The following AREL1 variants were observed in gnomAD, a reference collection of about 807,000 sequenced individuals.
AREL1 encodes apoptosis resistant E3 ubiquitin protein ligase 1, also known as apoptosis-resistant E3 ubiquitin protein ligase 1.
A neutral mutation model predicts 99.0 loss-of-function variants in AREL1; 62 were observed. The ratio of observed to expected loss-of-function variants is 0.63; its 90% CI spans 0.51 to 0.77. AREL1 has a LOEUF of 0.77. Among genes scored for constraint, AREL1 ranks in the 30% least tolerant of loss-of-function variants. AREL1 has a pLI of 0.00. For missense variants in AREL1, 879 were observed against 1,027.6 expected (o/e 0.86, Z 1.98); for synonymous variants, 380 against 376.5 (o/e 1.01, Z -0.11).
At chr14:74,675,158 T>C (rs912877814) in intron 8 of AREL1, among the ~76,000 whole-genome samples, 1 of 152,200 alleles carries the variant, frequency 6.6e-6, no homozygotes, top group African/African-American at 2.4e-5. Flanking sequence ...CACTTACCCA[T>C]TTCCCTCATT....
chr14:74,673,173 C>T lies in AREL1; in HGVS notation c.1204G>A (p.Val402Met). The part of the protein sequence containing the change: ...PDPVHKLLTL[V>M]VDDGIQPPVE... Reference sequence around the variant, plus strand: ...GGAGGTTGAATGCCATCATCCACCACCAGTGTGAGCAGCTTATGGACAGGG... The same window carrying T: ...GGAGGTTGAATGCCATCATCCACCATCAGTGTGAGCAGCTTATGGACAGGG... The change falls in exon 10 of 20, where the codon GTG becomes ATG. Residue 402 changes from valine (V) to methionine (M), a missense_variant. Coordinates refer to ENST00000356357, the MANE Select transcript of AREL1 (RefSeq NM_001039479.2). 6.2e-7 allele frequency: 1 copy of T among 1,614,144 alleles called. No homozygotes were observed. Among genetic ancestry groups the T allele is most frequent in the Non-Finnish European group, 8.5e-7 (1 of 1,180,028 alleles).
intron 1 of AREL1, among the ~76,000 whole-genome samples, chr14:74,706,039 C>T (rs187260197): frequency 2.8e-4 from 42 of 152,278 alleles, no homozygotes; most frequent in Admixed American, 8.5e-4. Context: ...CCATTCTTAA[C>T]CCTAAATCTA....
chr14:74,677,340 A>G (rs967384927), intron 5 of AREL1, among the ~76,000 whole-genome samples: 3 of 151,770 alleles, frequency 2.0e-5, no homozygotes, highest in African/African-American at 7.3e-5. Context: ...CTCTACAAAA[A>G]ATAAAAATTA....
chr14:74,703,969 C>T (rs531080360), intron 1 of AREL1, among the ~76,000 whole-genome samples: 6 of 152,310 alleles, frequency 3.9e-5, no homozygotes, highest in Admixed American at 2.6e-4. Context: ...GCACAAGAGG[C>T]AGGTTGCTCT....
chr14:74,667,060 C>T (rs1481636001), intron 17 of AREL1, among the ~76,000 whole-genome samples: 1 of 152,130 alleles, frequency 6.6e-6, no homozygotes, highest in Non-Finnish European at 1.5e-5. Flanking sequence ...AATTATTACT[C>T]TTCATAAATA....
At chr14:74,671,561 C>T in intron 11 of AREL1, 78 bp from the exon 12 acceptor site, 1 of 901,724 alleles carries the variant, frequency 1.1e-6, no homozygotes, top group Non-Finnish European at 1.7e-6. Context: ...CACAAGAGCA[C>T]TGCCATTGTC....
In AREL1 at chr14:74,673,289, C is replaced by A. The variant is rs895908912; in HGVS notation, c.1159-71G>T. On this transcript the variant is annotated intron_variant, in intron 9 of 19. Transcript: ENST00000356357. ...CAGTAAAAGTCCTCCACAGCTCTAT[C>A]CTGTGTACCAACCAACAACAATAAG... The A allele has an allele frequency of 4.7e-6, 7 of 1,492,940 alleles. No homozygotes were observed. The African/African-American group carries it at 7.0e-5, about 15-fold the overall frequency. The allele number at this position is 1,492,940 out of a possible 1,614,324, so 92.5% of individuals were successfully genotyped here.
At chr14:74,665,965 C>G (rs1031692381) in intron 17 of AREL1, among the ~76,000 whole-genome samples, 1 of 152,142 alleles carries the variant, frequency 6.6e-6, no homozygotes, top group Non-Finnish European at 1.5e-5. Context: ...GTTACAAATG[C>G]TTTGCTTCAA....
chr14:74,669,109 G>A (rs2089273053), intron 15 of AREL1, among the ~76,000 whole-genome samples: 1 of 152,114 alleles, frequency 6.6e-6, no homozygotes, highest in Non-Finnish European at 1.5e-5. Flanking sequence ...TGCCCAGGCT[G>A]GTCTTGAACT....
intron 5 of AREL1, 55 bp downstream of exon 5, chr14:74,683,241 G>T: frequency 8.0e-7 from 1 of 1,255,608 alleles, no homozygotes; most frequent in East Asian, 2.3e-5. Flanking sequence ...AAGACAGGAT[G>T]GAAAGAGAGA....
intron 9 of AREL1, 135 bp downstream of exon 9, chr14:74,673,895 GCTTT>G (rs2089413781): frequency 1.6e-6 from 1 of 621,626 alleles, no homozygotes; most frequent in South Asian, 2.3e-5. Context: ...AGATAATGAT[GCTTT>G]ATTTGGCAAC....
At chr14:74,668,974 C>A (rs769794302) in intron 15 of AREL1, among the ~76,000 whole-genome samples, 1 of 152,172 alleles carries the variant, frequency 6.6e-6, no homozygotes, top group African/African-American at 2.4e-5. Context: ...ACCTCCTGGG[C>A]TCAAGCGATG....
chr14:74,706,659 C>T (rs1440205775), intron 1 of AREL1, among the ~76,000 whole-genome samples: 6 of 152,130 alleles, frequency 3.9e-5, no homozygotes, highest in Non-Finnish European at 7.3e-5. Context: ...TATTAAGAAG[C>T]GACCACATGC....
chr14:74,709,133 A>G (rs529572995), intron 1 of AREL1, among the ~76,000 whole-genome samples: 1 of 152,362 alleles, frequency 6.6e-6, no homozygotes, highest in African/African-American at 2.4e-5. Flanking sequence ...GTTAATAGCT[A>G]AAGTCATTTA....
intron 15 of AREL1, 142 bp downstream of exon 15, chr14:74,669,504 ACTT>A: frequency 9.7e-7 from 1 of 1,034,028 alleles, no homozygotes. Flanking sequence ...TGAGAAGTTC[ACTT>A]ATTATGTCAC....
Position 74,684,493 on chromosome 14 carries a change from G to A in AREL1, c.204C>T (p.Asp68=). The A allele has an allele frequency of 6.2e-7, 1 of 1,614,136 alleles. No homozygotes were observed. Among genetic ancestry groups the A allele is most frequent in the Non-Finnish European group, 8.5e-7 (1 of 1,180,026 alleles). ...RSCKVSWDWK[D]PYEVGHSMAF... ...CCATGCTGTGGCCCACCTCATAGGGGTCCTTCCAATCCCAGGAGACTTTGC... is the reference window on the plus strand; with the variant it reads ...CCATGCTGTGGCCCACCTCATAGGGATCCTTCCAATCCCAGGAGACTTTGC... The change falls in exon 4 of 20, where the codon GAC becomes GAT. Residue 68 remains aspartate (D), a synonymous_variant. Coordinates refer to ENST00000356357, the MANE Select transcript of AREL1 (RefSeq NM_001039479.2).
At chr14:74,700,430 G>A (rs905147384) in intron 1 of AREL1, among the ~76,000 whole-genome samples, 18 of 152,100 alleles carry the variant, frequency 1.2e-4, no homozygotes, top group Non-Finnish European at 1.6e-4. Context: ...ACTTCCAGAA[G>A]GGGGGAAAAA....
At chr14:74,704,090 A>AT (rs1412412935) in intron 1 of AREL1, among the ~76,000 whole-genome samples, 4 of 151,930 alleles carry the variant, frequency 2.6e-5, no homozygotes, top group Admixed American at 2.6e-4. Context: ...AATATTGAGT[A>AT]TTTTTTTCAT....
chr14:74,683,231 AAGAC>A, intron 5 of AREL1, 61 bp downstream of exon 5: 1 of 1,175,154 alleles, frequency 8.5e-7, no homozygotes, highest in South Asian at 1.4e-5. Context: ...TTAAAAAGGA[AAGAC>A]AGGATGGAAA....
Sources: allele counts gnomAD v4.1 joint callset (sites outside exome capture counted in the v4.1 genomes callset), GRCh38; gene constraint gnomAD v4.1.1; transcripts MANE v1.5; gene names NCBI Gene and HGNC (gene_info 2026-07-23, HGNC 2026-07-21).